Variants in ALKBH1 observed in about 807,000 individuals in gnomAD.
ALKBH1 encodes the protein alkB homolog 1, histone H2A dioxygenase, also known as nucleic acid dioxygenase ALKBH1.
In ALKBH1, 31 loss-of-function variants were observed where a neutral mutation model predicts 36.6. The ratio of observed to expected loss-of-function variants is 0.85; its 90% CI spans 0.64 to 1.14. The LOEUF (loss-of-function observed/expected upper bound fraction) is 1.14, where lower values mean the gene tolerates loss of function less well. Among genes scored for constraint, ALKBH1 ranks in the 50% most tolerant of loss-of-function variants. ALKBH1 has a pLI of 0.00. For missense variants in ALKBH1, 490 were observed against 497.3 expected (o/e 0.99, Z 0.14); for synonymous variants, 183 against 186.6 (o/e 0.98, Z 0.16).
At chr14:77,704,978 A>G (rs1328065503) in intron 1 of ALKBH1, among the ~76,000 whole-genome samples, 1 of 152,230 alleles carries the variant, frequency 6.6e-6, no homozygotes, top group Non-Finnish European at 1.5e-5. Flanking sequence ...CTGAATCATG[A>G]AAGGTGCTTG....
chr14:77,707,677 G>A (rs2080403287), intron 1 of ALKBH1, 145 bp downstream of exon 1: 1 of 837,658 alleles, frequency 1.2e-6, no homozygotes, highest in African/African-American at 1.7e-5. Flanking sequence ...CGGTTAGTGG[G>A]GAGTTCGACT....
At chr14:77,675,008 GGA>G (rs2080197286) in intron 5 of ALKBH1, among the ~76,000 whole-genome samples, 1 of 152,120 alleles carries the variant, frequency 6.6e-6, no homozygotes, top group East Asian at 1.9e-4. Context: ...AGGGAGACAA[GGA>G]GAGTAAACTA....
intron 3 of ALKBH1, among the ~76,000 whole-genome samples, chr14:77,680,257 CAAT>C (rs1566812062): frequency 6.6e-6 from 1 of 152,130 alleles, no homozygotes; most frequent in African/African-American, 2.4e-5. Flanking sequence ...AGAATGACAA[CAAT>C]GACAAGAGAA....
intron 4 of ALKBH1, 34 bp downstream of exon 4, chr14:77,679,846 A>T: frequency 6.5e-7 from 1 of 1,537,664 alleles, no homozygotes; most frequent in Non-Finnish European, 9.0e-7. Context: ...AAGCCTATAA[A>T]CAGAAAACAA....
chr14:77,680,708 T>C (rs1264451703), intron 3 of ALKBH1, among the ~76,000 whole-genome samples: 1 of 136,388 alleles, frequency 7.3e-6, no homozygotes, highest in East Asian at 2.0e-4. Flanking sequence ...AGACAGAGTT[T>C]CGCTCTTGTT....
intron 2 of ALKBH1, chr14:77,697,039 G>A (rs1010018410): frequency 2.8e-5 from 5 of 176,054 alleles, no homozygotes; most frequent in Non-Finnish European, 4.9e-5. Flanking sequence ...GTGGCCCAAA[G>A]CCAAAGAGAC....
Position 77,673,860 on chromosome 14 carries a change from A to G in ALKBH1, c.1122T>C (p.Asp374=). ...DISTEGFCHL[D]DQNSEVKRAR... is the part of the protein sequence containing the mutation. ...CCCGTTTTACTTCGCTATTCTGGTC[A>G]TCCAGATGGCAGAAACCTTCTGTAC... Residue 374 remains aspartate (D), a synonymous_variant, in exon 6 of 6, where the codon GAT becomes GAC. Coordinates refer to ENST00000216489, the MANE Select transcript of ALKBH1 (RefSeq NM_006020.3). 1 of 1,614,170 alleles carries G rather than the reference A, an allele frequency of 6.2e-7. No individual in the cohort carries two copies. The highest frequency in any genetic ancestry group is 1.3e-5 in the African/African-American group (1 of 75,048).
intron 3 of ALKBH1, among the ~76,000 whole-genome samples, chr14:77,693,003 C>T (rs566000979): frequency 2.6e-5 from 4 of 151,562 alleles, no homozygotes; most frequent in Non-Finnish European, 4.4e-5. Context: ...GTCGGGAGTT[C>T]AAGACCAGCC....
At chr14:77,677,792 C>CT in intron 4 of ALKBH1, among the ~76,000 whole-genome samples, 1 of 152,192 alleles carries the variant, frequency 6.6e-6, no homozygotes, top group South Asian at 2.1e-4. Flanking sequence ...GATTAAAGAA[C>CT]TTTAAGTTTT....
intron 4 of ALKBH1, among the ~76,000 whole-genome samples, chr14:77,678,756 A>C (rs1203013763): frequency 6.6e-6 from 1 of 152,178 alleles, no homozygotes; most frequent in Admixed American, 6.5e-5. Flanking sequence ...AGAAAACACG[A>C]AACTGTCAAC....
At chr14:77,679,838 G>A in intron 4 of ALKBH1, 42 bp downstream of exon 4, 1 of 1,438,826 alleles carries the variant, frequency 7.0e-7, no homozygotes, top group Non-Finnish European at 9.8e-7. Context: ...GGCTAAAGAA[G>A]CCTATAAACA....
At chr14:77,681,523 A>G (rs973305929) in intron 3 of ALKBH1, among the ~76,000 whole-genome samples, 2 of 152,240 alleles carry the variant, frequency 1.3e-5, no homozygotes, top group African/African-American at 4.8e-5. Context: ...CAGAGTTTAC[A>G]TTCTAAGAAA....
At chr14:77,692,090 C>T (rs1186971349) in intron 3 of ALKBH1, 1 of 152,158 alleles carries the variant, frequency 6.6e-6, no homozygotes, top group Non-Finnish European at 1.5e-5. Flanking sequence ...CTGAAAACTA[C>T]AAAATTAAGG....
intron 3 of ALKBH1, among the ~76,000 whole-genome samples, chr14:77,687,878 G>A (rs1313321416): frequency 6.8e-6 from 1 of 146,704 alleles, no homozygotes; most frequent in Non-Finnish European, 1.5e-5. Context: ...TATTTTCAGC[G>A]CTTTACTATG....
chr14:77,690,566 C>T (rs2139854927), intron 3 of ALKBH1, among the ~76,000 whole-genome samples: 1 of 152,246 alleles, frequency 6.6e-6, no homozygotes, highest in East Asian at 1.9e-4. Context: ...GCAGCTTAGA[C>T]CAAGGCAGTT....
chr14:77,691,304 T>G (rs2080295910), intron 3 of ALKBH1, among the ~76,000 whole-genome samples: 1 of 152,224 alleles, frequency 6.6e-6, no homozygotes. Flanking sequence ...GACTATAGAA[T>G]TCTAGAAAAT....
chr14:77,683,375 G>C (rs572737109), intron 3 of ALKBH1: 2 of 772,970 alleles, frequency 2.6e-6, no homozygotes, highest in East Asian at 5.1e-5. Context: ...AAGCTATCTC[G>C]GCTCTTAGAG....
intron 5 of ALKBH1, among the ~76,000 whole-genome samples, chr14:77,674,523 A>G (rs2080194529): frequency 6.6e-6 from 1 of 150,848 alleles, no homozygotes; most frequent in Admixed American, 6.7e-5. Flanking sequence ...CTTAGCTTTA[A>G]TGTTATCCAT....
intron 2 of ALKBH1, chr14:77,696,740 G>C (rs1238385650): frequency 7.2e-5 from 11 of 152,344 alleles, no homozygotes; most frequent in Admixed American, 6.5e-4. Flanking sequence ...GAGTAGTATA[G>C]GCAGTATGCA....
Sources: allele counts gnomAD v4.1 joint callset (sites outside exome capture counted in the v4.1 genomes callset), GRCh38; gene constraint gnomAD v4.1.1; transcripts MANE v1.5; gene names NCBI Gene and HGNC (gene_info 2026-07-23, HGNC 2026-07-21).